The following CHRD variants were observed in gnomAD, a reference collection of about 807,000 sequenced individuals.
CHRD encodes chordin.
A neutral mutation model predicts 113.7 loss-of-function variants in CHRD; 69 were observed. The ratio of observed to expected loss-of-function variants is 0.61; its 90% CI spans 0.50 to 0.74. CHRD has a LOEUF of 0.74. CHRD is among the 30% of genes least tolerant of loss of function. CHRD has a pLI of 0.00. For missense variants in CHRD, 1,194 were observed against 1,295.8 expected (o/e 0.92, Z 1.21); for synonymous variants, 561 against 540.8 (o/e 1.04, Z -0.52).
At chr3:184,389,095 G>T in intron 22 of CHRD, 100 bp downstream of exon 22, 1 of 837,748 alleles carries the variant, frequency 1.2e-6, no homozygotes, top group Non-Finnish European at 1.9e-6. Flanking sequence ...TGCAGGAACA[G>T]TGCAGCCTGC....
exon 14 of CHRD, chr3:184,385,198 C>T: frequency 6.2e-7 from 1 of 1,614,096 alleles, no homozygotes; most frequent in Non-Finnish European, 8.5e-7. Flanking sequence ...CCTGGAACGC[C>T]AGGGCCTCGG....
exon 17 of CHRD, chr3:184,386,860 T>C (rs1027622642): frequency 6.2e-7 from 1 of 1,614,064 alleles, no homozygotes; most frequent in African/African-American, 1.3e-5. Flanking sequence ...AACGGTGATC[T>C]GTGACCCGGT....
intron 11 of CHRD, 52 bp from the exon 12 acceptor site, chr3:184,383,471 C>T: frequency 1.9e-6 from 3 of 1,613,342 alleles, no homozygotes; most frequent in Non-Finnish European, 2.5e-6. Flanking sequence ...GGCAGCAGGC[C>T]CCAGGCCTTT....
At position 184,384,668 on chromosome 3, in the gene CHRD, C is replaced by T. The variant is rs1278737751; in HGVS notation, c.1572C>T (p.Tyr524=). Residue 524 remains tyrosine, a synonymous_variant, in exon 13 of 23, where the codon TAC becomes TAT. Transcript: ENST00000204604. The surrounding 1 kb of genome is among the most constrained non-coding windows in gnomAD (Gnocchi z 4.4). ...GGGGGCACGTGGCTGCCCTGCCCTACTGTGGGCATAGCGCCCGCCATGACA... is the reference window on the plus strand; with the variant it reads ...GGGGGCACGTGGCTGCCCTGCCCTATTGTGGGCATAGCGCCCGCCATGACA... 6.3e-7 allele frequency: 1 copy of T among 1,582,280 alleles called. No homozygotes were observed. The highest frequency in any genetic ancestry group is 1.8e-5 in the Admixed American group (1 of 54,432).
In CHRD at chr3:184,381,305, C is replaced by A. The variant is rs771653468; in HGVS notation, c.323C>A (p.Thr108Asn). ...AAGAACATCAAACCAGAGTGCCCAA[C>A]CCCGGCCTGTGGGCAGCCGCGCCAG... The change falls in exon 3 of 23, where the codon ACC becomes AAC. Residue 108 changes from threonine (T) to asparagine (N), a missense_variant. Thr to Asn is a moderately conservative substitution (Grantham distance 65). Transcript: ENST00000204604. The surrounding 1 kb of genome is among the most constrained non-coding windows in gnomAD (Gnocchi z 4.7). The A allele has an allele frequency of 3.7e-6, 6 of 1,611,430 alleles. No individual in the cohort carries two copies. In the Admixed American group the frequency reaches 6.7e-5, roughly 18 times the overall value.
chr3:184,380,289 T>A lies in CHRD; in HGVS notation c.-30T>A. On this transcript the variant is annotated 5_prime_UTR_variant, in exon 1 of 23. Transcript: ENST00000204604. This position sits in a 1 kb window ranked among gnomAD's most constrained non-coding sequence, Gnocchi z 6.3. ...CCGCCCGCTCCCGCGCCCTCCTCCC[T>A]CCCTCCTCCCCAGCTGTCCCGTTCG... The A allele has an allele frequency of 5.8e-6, 5 of 855,106 alleles. No homozygotes were observed. The highest frequency in any genetic ancestry group is 5.8e-6 in the Non-Finnish European group (4 of 690,360). The allele number at this position is 855,106 out of a possible 1,614,324, so 53.0% of individuals were successfully genotyped here.
intron 6 of CHRD, 58 bp downstream of exon 6, chr3:184,382,078 C>A (rs1172455720): frequency 9.4e-6 from 15 of 1,599,182 alleles, no homozygotes. Context: ...CGAGAGCATG[C>A]TCTGCATTGC....
chr3:184,386,888 G>C (rs1358916771), exon 17 of CHRD: 1 of 1,614,090 alleles, frequency 6.2e-7, no homozygotes, highest in Non-Finnish European at 8.5e-7. Flanking sequence ...CCACCGCCCA[G>C]CTGCCCACAC....
At chr3:184,389,961 A>T (rs1263120050), downstream of CHRD, 1 of 154,232 alleles carries the variant, frequency 6.5e-6, no homozygotes, top group Non-Finnish European at 1.4e-5. Flanking sequence ...GAGGCAGAGG[A>T]TAGCGTGGCA....
chr3:184,383,613 A>G, exon 12 of CHRD: 1 of 1,613,276 alleles, frequency 6.2e-7, no homozygotes, highest in Non-Finnish European at 8.5e-7. Context: ...CCTGTGCCAC[A>G]TGGCTGGACT....
Position 184,386,559 on chromosome 3 carries a change from G to A in CHRD, c.2000G>A (p.Arg667Gln), listed in dbSNP as rs754915047. 5.9e-5 allele frequency: 91 copies of A among 1,545,282 alleles called. 1 individual carries two copies. Among genetic ancestry groups the A allele is most frequent in the Non-Finnish European group, 7.4e-5 (85 of 1,153,946 alleles). Residue 667 changes from arginine (R) to glutamine (Q), a missense_variant, in exon 16 of 23, where the codon CGG becomes CAG. Transcript: ENST00000204604. ...GAGGCGGCCGGGGCCGAGGGGGTGC[G>A]GGCGCTGGGGGCTCCGGATACAGCC... is the stretch of plus-strand genomic sequence containing the variant.
Position 184,380,892 on chromosome 3 carries a change from A to G in CHRD, c.252+97A>G. ...ACTCGGAGCTGCTGAGAAGGAGCCC[A>G]GTCGGCAGATGTTGGGGATATTTTT... On this transcript the variant is annotated intron_variant, in intron 2 of 22. Transcript: ENST00000204604. This position sits in a 1 kb window ranked among gnomAD's most constrained non-coding sequence, Gnocchi z 6.3. The G allele has an allele frequency of 4.3e-6, 4 of 936,564 alleles. No homozygotes were observed. The highest frequency in any genetic ancestry group is 6.5e-6 in the Non-Finnish European group (4 of 615,792). 58.0% of individuals were successfully genotyped at this position (936,564 alleles called of 1,614,324 possible).
exon 14 of CHRD, chr3:184,385,175 C>T (rs768313548): frequency 3.1e-6 from 5 of 1,614,078 alleles, no homozygotes; most frequent in Non-Finnish European, 4.2e-6. Flanking sequence ...TCACTGCCCA[C>T]CTCCTTGGGC....
Position 184,381,488 on chromosome 3 carries a change from G to T in CHRD, c.383-8G>T, listed in dbSNP as rs769509825. On this transcript the variant is annotated splice_polypyrimidine_tract_variant and splice_region_variant and intron_variant, in intron 3 of 22. Coordinates refer to ENST00000204604, the Ensembl canonical transcript of CHRD. The surrounding 1 kb of genome is among the most constrained non-coding windows in gnomAD (Gnocchi z 4.7). Reference sequence around the variant, plus strand: ...CTGAAGCCCGTGTTCTTACCCCCCCGCCCGCAGAGCGCAGCAGTTCGGAGC... The same window carrying T: ...CTGAAGCCCGTGTTCTTACCCCCCCTCCCGCAGAGCGCAGCAGTTCGGAGC... 2 of 1,586,670 alleles carry T rather than the reference G, an allele frequency of 1.3e-6. No homozygotes were observed. Among genetic ancestry groups the T allele is most frequent in the Admixed American group, 3.5e-5 (2 of 57,364 alleles).
At chr3:184,383,686 G>A (rs940698275) in intron 12 of CHRD, 44 bp downstream of exon 12, 1 of 1,552,396 alleles carries the variant, frequency 6.4e-7, no homozygotes, top group East Asian at 2.3e-5. Context: ...CCAATGCATG[G>A]GCTGTGGGAA....
chr3:184,382,996 A>C lies in CHRD; in HGVS notation c.1066-20A>C. ...TCTTGGCCTCTTGCTATTGCCCATC[A>C]CACCCTGCTCTGTCCCCAGGAACCA... On this transcript the variant is annotated intron_variant, in intron 9 of 22. Transcript: ENST00000204604. 6.2e-7 allele frequency: 1 copy of C among 1,612,496 alleles called. No individual in the cohort carries two copies. Among genetic ancestry groups the C allele is most frequent in the Non-Finnish European group, 8.5e-7 (1 of 1,179,386 alleles).
rs1716015188 is a variant in CHRD at position 184,384,734 on chromosome 3, G to C, written c.1597+41G>C. The C allele has an allele frequency of 1.3e-6, 2 of 1,509,834 alleles. No individual in the cohort carries two copies. The highest frequency in any genetic ancestry group is 8.9e-7 in the Non-Finnish European group (1 of 1,129,676). 93.5% of individuals were successfully genotyped at this position (1,509,834 alleles called of 1,614,324 possible). On this transcript the variant is annotated intron_variant, in intron 13 of 22. Transcript: ENST00000204604. The surrounding 1 kb of genome is among the most constrained non-coding windows in gnomAD (Gnocchi z 4.4). ...GGTCTGTCTGCCCTTTGGTTTCCTA[G>C]AACATTTGAGGGATGGTGGCAGACA... is the stretch of plus-strand genomic sequence containing the variant.
intron 22 of CHRD, 70 bp from the exon 23 acceptor site, chr3:184,389,297 C>A: frequency 1.4e-6 from 2 of 1,452,294 alleles, no homozygotes; most frequent in Non-Finnish European, 1.9e-6. Context: ...CTTTGCCCTG[C>A]CCTCTATGCC....
intron 22 of CHRD, 61 bp from the exon 23 acceptor site, chr3:184,389,306 C>A: frequency 1.3e-6 from 2 of 1,517,354 alleles, no homozygotes; most frequent in Non-Finnish European, 9.1e-7. Flanking sequence ...GCCCTCTATG[C>A]CTCTCTGTGC....
Sources: allele counts gnomAD v4.1 joint callset, GRCh38; gene constraint gnomAD v4.1.1; non-coding constraint Gnocchi (gnomAD v3.1); transcripts MANE v1.5; gene names NCBI Gene and HGNC (gene_info 2026-07-23, HGNC 2026-07-21).